Variants in VPS53 observed in about 807,000 individuals in gnomAD.
VPS53 encodes the protein vacuolar protein sorting-associated protein 53 homolog.
A neutral mutation model predicts 107.0 loss-of-function variants in VPS53; 70 were observed. That is an observed-to-expected ratio of 0.65 (90% CI 0.54 to 0.80). The LOEUF is 0.80. Among genes scored for constraint, VPS53 ranks in the 30% least tolerant of loss-of-function variants. The pLI is 0.00. For synonymous variants in VPS53, 409 were observed against 393.3 expected (o/e 1.04, Z -0.47); for missense variants, 917 against 1,049.4 (o/e 0.87, Z 1.74).
At chr17:556,445 A>G (rs952988747) in intron 15 of VPS53, among the ~76,000 whole-genome samples, 2 of 152,226 alleles carry the variant, frequency 1.3e-5, no homozygotes, top group African/African-American at 4.8e-5. Context: ...CGATCTTTGC[A>G]ATTTTTCTGT....
chr17:622,589 T>C (rs908182245), intron 11 of VPS53, among the ~76,000 whole-genome samples: 1 of 152,218 alleles, frequency 6.6e-6, no homozygotes, highest in Non-Finnish European at 1.5e-5. Context: ...TACGCATATG[T>C]AATGATGCAA....
intron 13 of VPS53, among the ~76,000 whole-genome samples, chr17:576,242 CCAGA>C (rs756084447): frequency 1.3e-5 from 2 of 151,636 alleles, no homozygotes; most frequent in Admixed American, 6.6e-5. Flanking sequence ...TAATGTGTTC[CCAGA>C]CAATCTGCCT....
intron 19 of VPS53, among the ~76,000 whole-genome samples, chr17:528,532 T>C (rs1304099695): frequency 6.6e-6 from 1 of 152,152 alleles, no homozygotes; most frequent in East Asian, 1.9e-4. Context: ...CTGGCTATTA[T>C]AAATGGTGCT....
At chr17:521,524 C>T in intron 20 of VPS53, 77 bp downstream of exon 20, 2 of 1,450,084 alleles carry the variant, frequency 1.4e-6, no homozygotes, top group African/African-American at 1.4e-5. Context: ...TAGGACCTAC[C>T]CTGTGCTTTC....
intron 4 of VPS53, among the ~76,000 whole-genome samples, chr17:670,563 T>C (rs1448649557): frequency 1.3e-5 from 2 of 152,196 alleles, no homozygotes; most frequent in African/African-American, 4.8e-5. Context: ...GCAGAACTGT[T>C]GTCTGCCACG....
At chr17:713,501 A>T (rs905819240) in intron 1 of VPS53, among the ~76,000 whole-genome samples, 2 of 150,012 alleles carry the variant, frequency 1.3e-5, no homozygotes, top group African/African-American at 4.9e-5. Context: ...AAAAATACAA[A>T]AATTAGCTAG....
rs1908393599 is a variant in VPS53, at chr17:517,516, T to C, written c.*1612A>G. The C allele has an allele frequency of 2.5e-6, 1 of 398,388 alleles. No homozygotes were observed. Among genetic ancestry groups the C allele is most frequent in the Non-Finnish European group, 4.4e-6 (1 of 226,016 alleles). 24.7% of individuals were successfully genotyped at this position (398,388 alleles called of 1,614,324 possible). A position where few individuals can be genotyped will look rare whatever the true frequency, so the allele number is the denominator to read the frequency against. On this transcript the variant is annotated 3_prime_UTR_variant, in exon 22 of 22. Transcript: ENST00000437048. ...AAGTTTTATGGATTTTAAGGAAATT[T>C]CCTCTATCCTGAAAACTTTTTGAGA... is the stretch of plus-strand genomic sequence containing the variant.
intron 4 of VPS53, among the ~76,000 whole-genome samples, chr17:662,485 C>T (rs1407487260): frequency 6.6e-6 from 1 of 151,946 alleles, no homozygotes; most frequent in Non-Finnish European, 1.5e-5. Flanking sequence ...GTCAGGAGAT[C>T]AAGACCATCC....
chr17:677,255 A>T (rs1289871324), intron 4 of VPS53, among the ~76,000 whole-genome samples: 1 of 152,228 alleles, frequency 6.6e-6, no homozygotes, highest in Non-Finnish European at 1.5e-5. Flanking sequence ...ACACCACGGA[A>T]TATTATTCAC....
intron 7 of VPS53, among the ~76,000 whole-genome samples, chr17:644,662 C>A (rs894221778): frequency 1.3e-5 from 2 of 151,980 alleles, no homozygotes; most frequent in African/African-American, 2.4e-5. Context: ...CGGCTCACTG[C>A]AGCCTCCACT....
chr17:580,906 C>T (rs1469035348), intron 13 of VPS53, among the ~76,000 whole-genome samples: 1 of 145,144 alleles, frequency 6.9e-6, no homozygotes, highest in African/African-American at 2.6e-5. Context: ...AAGACCTCTA[C>T]GCGTTCCCAG....
chr17:585,348 G>A lies in VPS53; in HGVS notation c.1313+922C>T, dbSNP rs577586037. Among the ~76,000 whole-genome samples the A allele has an allele frequency of 2.4e-3, 364 of 152,292 alleles. 1 individual carries two copies. The highest frequency in any genetic ancestry group is 7.3e-3 in the African/African-American group (302 of 41,570). On this transcript the variant is annotated intron_variant, in intron 13 of 21. Transcript: ENST00000437048. Reference sequence around the variant, plus strand: ...TACCTGGCCAGTACACACTGAGGTCGTGAAAGACAAAGAAAACTTGAGGAA... The same window carrying A: ...TACCTGGCCAGTACACACTGAGGTCATGAAAGACAAAGAAAACTTGAGGAA...
At chr17:669,878 G>A (rs1304895084) in intron 4 of VPS53, among the ~76,000 whole-genome samples, 2 of 149,642 alleles carry the variant, frequency 1.3e-5, no homozygotes, top group East Asian at 1.9e-4. Flanking sequence ...GTGACAGAGC[G>A]AGACTCCATC....
chr17:699,653 T>C (rs964393449), intron 2 of VPS53, among the ~76,000 whole-genome samples: 4 of 152,208 alleles, frequency 2.6e-5, no homozygotes, highest in South Asian at 2.1e-4. Flanking sequence ...TAAGCTAACA[T>C]GGCAGGTAGG....
chr17:514,841 C>T lies in VPS53; in HGVS notation c.*4287G>A, dbSNP rs772523601. The T allele has an allele frequency of 3.3e-5, 5 of 152,286 alleles. No homozygotes were observed. The highest frequency in any genetic ancestry group is 7.3e-5 in the Non-Finnish European group (5 of 68,114). The allele number at this position is 152,286 out of a possible 1,614,324, so 9.4% of individuals were successfully genotyped here. A position where few individuals can be genotyped will look rare whatever the true frequency, so the allele number is the denominator to read the frequency against. On this transcript the variant is annotated 3_prime_UTR_variant, in exon 22 of 22. Transcript: ENST00000437048. ...ACATAAGAAATCAGGCACCCCTTCT[C>T]GGGGGTGGGCAGAGCCCTGGGTACT...
intron 4 of VPS53, chr17:673,586 C>T (rs543321089): frequency 2.0e-5 from 3 of 152,264 alleles, no homozygotes; most frequent in Non-Finnish European, 4.4e-5. Flanking sequence ...CTTTGCTTCC[C>T]TACGTGTCCG....
Position 568,542 on chromosome 17 carries a change from C to T in VPS53, c.1314-5797G>A, listed in dbSNP as rs73275244. Reference sequence around the variant, plus strand: ...GATTACAGGCACGAGCAACCATGCCCGACCCTAGAGCTTCTTAATTCAAGG... The same window carrying T: ...GATTACAGGCACGAGCAACCATGCCTGACCCTAGAGCTTCTTAATTCAAGG... On this transcript the variant is annotated intron_variant, in intron 13 of 21. Coordinates refer to ENST00000437048, the MANE Select transcript of VPS53 (RefSeq NM_001128159.3). Among the ~76,000 whole-genome samples the T allele has an allele frequency of 7.4e-3, 1,121 of 152,238 alleles. 11 individuals carry two copies. The highest frequency in any genetic ancestry group is 0.024 in the African/African-American group (1,017 of 41,538).
At chr17:628,903 A>T (rs966965148) in intron 8 of VPS53, among the ~76,000 whole-genome samples, 1 of 152,244 alleles carries the variant, frequency 6.6e-6, no homozygotes, top group Non-Finnish European at 1.5e-5. Flanking sequence ...CTTTGTTACC[A>T]AAAGCAATTC....
chr17:705,463 G>A (rs572843626), intron 2 of VPS53, among the ~76,000 whole-genome samples: 14 of 151,838 alleles, frequency 9.2e-5, no homozygotes, highest in African/African-American at 2.4e-4. Context: ...GGGGCTGGGC[G>A]CGGTGGCTCA....
Sources: allele counts gnomAD v4.1 joint callset (sites outside exome capture counted in the v4.1 genomes callset), GRCh38; gene constraint gnomAD v4.1.1; transcripts MANE v1.5; gene names NCBI Gene and HGNC (gene_info 2026-07-23, HGNC 2026-07-21).